Variants in GALNT8 observed in about 807,000 individuals in gnomAD.
GALNT8 encodes polypeptide N-acetylgalactosaminyltransferase 8.
In GALNT8, 66 loss-of-function variants were observed where a neutral mutation model predicts 62.7. The ratio of observed to expected loss-of-function variants is 1.05; its 90% CI spans 0.86 to 1.29. GALNT8 has a LOEUF of 1.29. Ranked by LOEUF, GALNT8 falls within the 50% of genes most tolerant of loss-of-function variation. The probability of loss-of-function intolerance (pLI) is 0.00; values close to 1 mark genes in which losing one functional copy is unlikely to be tolerated. For missense variants in GALNT8, 771 were observed against 791.8 expected, an observed-to-expected ratio of 0.97 and a Z score of 0.32; for synonymous variants, 288 against 294.3, an observed-to-expected ratio of 0.98 and a Z score of 0.22.
chr12:4,757,635 A>T (rs896107335), intron 6 of GALNT8, among the ~76,000 whole-genome samples: 1 of 152,154 alleles, frequency 6.6e-6, no homozygotes, highest in African/African-American at 2.4e-5. Flanking sequence ...TGTGTATATT[A>T]TTTCTTTTCA....
chr12:4,753,534 C>T (rs1229296374), intron 6 of GALNT8, among the ~76,000 whole-genome samples: 2 of 152,124 alleles, frequency 1.3e-5, no homozygotes, highest in Admixed American at 1.3e-4. Context: ...TTTATTATTT[C>T]CATCTCATTG....
At chr12:4,743,771 GAATTA>G (rs1275640025) in intron 3 of GALNT8, among the ~76,000 whole-genome samples, 1 of 152,196 alleles carries the variant, frequency 6.6e-6, no homozygotes, top group African/African-American at 2.4e-5. Context: ...AGAATTAACT[GAATTA>G]ATTTTATCAA....
chr12:4,756,569 C>CT (rs1213014417), intron 6 of GALNT8, among the ~76,000 whole-genome samples: 1 of 128,942 alleles, frequency 7.8e-6, no homozygotes, highest in Non-Finnish European at 1.8e-5. Flanking sequence ...ATAAGATGAC[C>CT]TTTTTTCCCC....
At chr12:4,761,550 G>A (rs1484075119) in intron 7 of GALNT8, among the ~76,000 whole-genome samples, 1 of 152,052 alleles carries the variant, frequency 6.6e-6, no homozygotes, top group Admixed American at 6.5e-5. Flanking sequence ...GGTATGATGT[G>A]GGGTGGTAGG....
chr12:4,733,817 C>T (rs1946231276), intron 2 of GALNT8, among the ~76,000 whole-genome samples: 1 of 152,190 alleles, frequency 6.6e-6, no homozygotes, highest in African/African-American at 2.4e-5. Context: ...ACTCCCGAAT[C>T]CACAGGACTG....
intron 3 of GALNT8, among the ~76,000 whole-genome samples, chr12:4,742,548 TG>T (rs1274572905): frequency 1.3e-5 from 2 of 152,170 alleles, no homozygotes; most frequent in Non-Finnish European, 2.9e-5. Flanking sequence ...GATACCTTAA[TG>T]TGTGAAGAAT....
At chr12:4,753,758 G>C (rs1946332207) in intron 6 of GALNT8, among the ~76,000 whole-genome samples, 1 of 152,140 alleles carries the variant, frequency 6.6e-6, no homozygotes, top group Admixed American at 6.5e-5. Context: ...TGAAGAGTTA[G>C]TCTACTTATT....
chr12:4,724,802 C>T (rs1252202176), intron 1 of GALNT8, among the ~76,000 whole-genome samples: 1 of 152,168 alleles, frequency 6.6e-6, no homozygotes, highest in African/African-American at 2.4e-5. Flanking sequence ...TTGGGCCAGT[C>T]TTACGTCACT....
At chr12:4,725,312 A>T (rs1047284102) in intron 1 of GALNT8, among the ~76,000 whole-genome samples, 1 of 152,186 alleles carries the variant, frequency 6.6e-6, no homozygotes, top group African/African-American at 2.4e-5. Context: ...AGGTGAGGTA[A>T]ATAATAGATG....
At chr12:4,756,884 C>T (rs997490711) in intron 6 of GALNT8, among the ~76,000 whole-genome samples, 4 of 152,240 alleles carry the variant, frequency 2.6e-5, no homozygotes, top group East Asian at 1.9e-4. Context: ...GCTTTGTGTC[C>T]GCACTCATAT....
intron 2 of GALNT8, among the ~76,000 whole-genome samples, chr12:4,729,949 G>C (rs1299618187): frequency 1.3e-5 from 2 of 152,106 alleles, no homozygotes; most frequent in Admixed American, 1.3e-4. Flanking sequence ...TGCAATGTGA[G>C]TTTAATTTGC....
intron 9 of GALNT8, among the ~76,000 whole-genome samples, chr12:4,764,942 A>G (rs1946392182): frequency 6.6e-6 from 1 of 151,824 alleles, no homozygotes. Flanking sequence ...AGGCATGCAC[A>G]ATAGATATCA....
chr12:4,750,975 A>G (rs145977572), intron 6 of GALNT8, among the ~76,000 whole-genome samples: 2 of 152,292 alleles, frequency 1.3e-5, no homozygotes, highest in African/African-American at 4.8e-5. Flanking sequence ...AAAAGACCAC[A>G]CACCTGTAAC....
intron 9 of GALNT8, 119 bp from the exon 10 acceptor site, chr12:4,765,260 A>C (rs1946393729): frequency 1.3e-6 from 1 of 795,450 alleles, no homozygotes; most frequent in Non-Finnish European, 1.9e-6. Context: ...TCTTGGTGTG[A>C]CTGGGTGTCT....
At chr12:4,748,244 G>T (rs1039864480) in intron 6 of GALNT8, among the ~76,000 whole-genome samples, 1 of 152,034 alleles carries the variant, frequency 6.6e-6, no homozygotes, top group Non-Finnish European at 1.5e-5. Flanking sequence ...ATTTGTCAAT[G>T]TTTGTATTGG....
chr12:4,725,969 A>G lies in GALNT8; in HGVS notation c.212-563A>G, dbSNP rs932719134. On this transcript the variant is annotated intron_variant, in intron 1 of 10. Coordinates refer to ENST00000252318, the MANE Select transcript of GALNT8 (RefSeq NM_017417.2). Reference sequence around the variant, plus strand: ...GGAGAAGCAAGGGCATAGGTGGATGATGGTGGTAGTGGTTAGGTTAGATTT... The same window carrying G: ...GGAGAAGCAAGGGCATAGGTGGATGGTGGTGGTAGTGGTTAGGTTAGATTT... Among the ~76,000 whole-genome samples, 3 of 152,206 alleles carry G rather than the reference A, an allele frequency of 2.0e-5. No homozygotes were observed. The East Asian group carries it at 5.8e-4, about 29-fold the overall frequency.
chr12:4,758,627 TGTGTGTGTGTGA>T (rs1392475134), intron 6 of GALNT8, among the ~76,000 whole-genome samples: 108 of 93,560 alleles, frequency 1.2e-3, no homozygotes, highest in African/African-American at 2.9e-3. Flanking sequence ...TGTGTGTGTG[TGTGTGTGTGTGA>T]GAGAGAGAGA....
intron 2 of GALNT8, among the ~76,000 whole-genome samples, chr12:4,734,315 C>G (rs1445338773): frequency 6.6e-6 from 1 of 152,172 alleles, no homozygotes; most frequent in African/African-American, 2.4e-5. Flanking sequence ...CTGTACCACC[C>G]TCTTACAGCA....
chr12:4,720,978 T>G, intron 1 of GALNT8, 90 bp downstream of exon 1: 3 of 770,954 alleles, frequency 3.9e-6, no homozygotes, highest in Non-Finnish European at 4.6e-6. Flanking sequence ...GAAAAATGGG[T>G]GAGAGGTCAC....
Sources: gnomAD v4.1 joint callset for allele counts (sites outside exome capture counted in the v4.1 genomes callset) on GRCh38, gnomAD v4.1.1 for gene constraint, MANE v1.5 for transcripts, NCBI Gene and HGNC (gene_info 2026-07-23, HGNC 2026-07-21) for gene names.